The following UBE2W variants were observed in gnomAD, a reference collection of about 807,000 sequenced individuals.
The protein encoded by UBE2W is ubiquitin conjugating enzyme E2 W.
In UBE2W, 18 loss-of-function variants were observed where a neutral mutation model predicts 27.2. The ratio of observed to expected loss-of-function variants is 0.66; its 90% CI spans 0.46 to 0.98. The LOEUF (loss-of-function observed/expected upper bound fraction) is 0.98. UBE2W is among the 50% of genes least tolerant of loss of function. The pLI, the probability that UBE2W is intolerant of heterozygous loss-of-function variation, is 0.00. For missense variants in UBE2W, 90 were observed against 180.2 expected (o/e 0.50, Z 2.87); for synonymous variants, 53 against 57.2 (o/e 0.93, Z 0.33).
At chr8:73,813,631 G>GGGTGAATTTACATGCCAGA (rs141449124) in intron 3 of UBE2W, among the ~76,000 whole-genome samples, 1 of 151,910 alleles carries the variant, frequency 6.6e-6, no homozygotes, top group African/African-American at 2.4e-5. Flanking sequence ...AACATATAAA[G>GGGTGAATTTACATGCCAGA]GGTGAATTTA....
chr8:73,833,046 G>A (rs753480012), intron 1 of UBE2W, among the ~76,000 whole-genome samples: 63 of 151,972 alleles, frequency 4.1e-4, no homozygotes, highest in African/African-American at 1.4e-3. Flanking sequence ...TTAGCCAGGC[G>A]TGGTGGCGCG....
downstream of UBE2W, among the ~76,000 whole-genome samples, chr8:73,784,847 C>T (rs1253600573): frequency 5.3e-5 from 8 of 152,266 alleles, no homozygotes; most frequent in East Asian, 5.8e-4. Context: ...ATACCGCCCA[C>T]ACAGTAGCTC....
In UBE2W at chr8:73,871,694, CATA is replaced by C. The variant is rs1445189330; in HGVS notation, c.15+7111_15+7113del. ...GAACAAGTATTTTGCAGATACTACT[CATA>C]ATGAAGCAGACAGCAATAATATAAA... On this transcript the variant is annotated intron_variant, in intron 1 of 5. Coordinates refer to ENST00000602593, the MANE Select transcript of UBE2W (RefSeq NM_018299.6). 3.9e-5 allele frequency among the ~76,000 whole-genome samples: 6 copies of C among 152,206 alleles called. No individual in the cohort carries two copies. The East Asian group carries it at 9.7e-4, about 24-fold the overall frequency.
chr8:73,788,933 C>T lies in UBE2W; in HGVS notation c.*5169G>A, dbSNP rs1215626083. ...TATTCAGGCATTCCTTCCACATACT[C>T]AAAATACCCTCAGATATTTTATTAA... On this transcript the variant is annotated 3_prime_UTR_variant, in exon 6 of 6. Coordinates refer to ENST00000602593, the MANE Select transcript of UBE2W (RefSeq NM_018299.6). The T allele has an allele frequency of 1.0e-6, 1 of 983,968 alleles. No homozygotes were observed. The highest frequency in any genetic ancestry group is 1.1e-4 in the East Asian group (1 of 8,814). 61.0% of individuals were successfully genotyped at this position (983,968 alleles called of 1,614,324 possible).
At chr8:73,858,717 T>A (rs1478029211) in intron 1 of UBE2W, among the ~76,000 whole-genome samples, 2 of 151,032 alleles carry the variant, frequency 1.3e-5, no homozygotes, top group African/African-American at 2.4e-5. Flanking sequence ...AGCTAGTACC[T>A]TTTAACACTA....
chr8:73,842,385 C>T (rs1229532184), intron 1 of UBE2W, among the ~76,000 whole-genome samples: 4 of 151,400 alleles, frequency 2.6e-5, no homozygotes, highest in South Asian at 2.1e-4. Context: ...AAAAATGAGC[C>T]GGGCGTGGTG....
chr8:73,845,830 A>C (rs1810775631), intron 1 of UBE2W, among the ~76,000 whole-genome samples: 1 of 152,252 alleles, frequency 6.6e-6, no homozygotes. Flanking sequence ...ACTAGAAATC[A>C]GTAAAAATAT....
In UBE2W at chr8:73,854,836, G is replaced by T. The variant is rs1054314318; in HGVS notation, c.15+23972C>A. On this transcript the variant is annotated intron_variant, in intron 1 of 5. Transcript: ENST00000602593. The stretch of plus-strand genomic sequence containing the variant: ...ACCAGAAGCCTTCTGTTATTTGTCA[G>T]TTACATAAAGTCAATTAACATGTTT... 8.5e-5 allele frequency among the ~76,000 whole-genome samples: 13 copies of T among 152,228 alleles called. 1 individual carries two copies. Among genetic ancestry groups the T allele is most frequent in the African/African-American group, 3.1e-4 (13 of 41,546 alleles).
intron 3 of UBE2W, among the ~76,000 whole-genome samples, chr8:73,813,725 C>A (rs923169314): frequency 1.1e-4 from 16 of 150,508 alleles, no homozygotes; most frequent in African/African-American, 3.9e-4. Context: ...ACATAAGGGG[C>A]AAATAAGCAT....
chr8:73,849,052 A>AG (rs386360711), intron 1 of UBE2W, among the ~76,000 whole-genome samples: 1 of 151,868 alleles, frequency 6.6e-6, no homozygotes, highest in African/African-American at 2.4e-5. Context: ...AAACAAAAAA[A>AG]GAAAAAGCAA....
At chr8:73,832,126 A>AAAT (rs1810091271) in intron 1 of UBE2W, among the ~76,000 whole-genome samples, 1 of 134,830 alleles carries the variant, frequency 7.4e-6, no homozygotes, top group African/African-American at 3.6e-5. Context: ...ACAAACAAAA[A>AAAT]AAATAAATAA....
At chr8:73,804,154 T>C (rs1389449229) in intron 5 of UBE2W, among the ~76,000 whole-genome samples, 1 of 152,118 alleles carries the variant, frequency 6.6e-6, no homozygotes, top group African/African-American at 2.4e-5. Context: ...TGGGGAACTT[T>C]TAAGTTTTTA....
intron 5 of UBE2W, among the ~76,000 whole-genome samples, chr8:73,801,698 C>T (rs1372414268): frequency 1.3e-5 from 2 of 152,014 alleles, no homozygotes; most frequent in Non-Finnish European, 2.9e-5. Flanking sequence ...TTTTTTAAGG[C>T]TTTTTTGTAA....
Position 73,787,017 on chromosome 8 carries a change from A to C in UBE2W, c.*7085T>G. ...CCCACATTAAGTCCCTGAAGGCCAGATACAGACATGAGAAGATATTTCCTA... is the reference window on the plus strand; with the variant it reads ...CCCACATTAAGTCCCTGAAGGCCAGCTACAGACATGAGAAGATATTTCCTA... On this transcript the variant is annotated 3_prime_UTR_variant, in exon 6 of 6. Transcript: ENST00000602593. The C allele has an allele frequency of 1.0e-6, 1 of 985,472 alleles. No homozygotes were observed. Among genetic ancestry groups the C allele is most frequent in the Non-Finnish European group, 1.2e-6 (1 of 829,944 alleles). 61.0% of individuals were successfully genotyped at this position (985,472 alleles called of 1,614,324 possible). A position where few individuals can be genotyped will look rare whatever the true frequency, so the allele number is the denominator to read the frequency against.
chr8:73,856,460 G>T (rs1399119294), intron 1 of UBE2W, among the ~76,000 whole-genome samples: 1 of 143,596 alleles, frequency 7.0e-6, no homozygotes, highest in African/African-American at 2.6e-5. Context: ...CACCTCTCAG[G>T]TTCAAGCAAT....
chr8:73,803,312 C>T lies in UBE2W; in HGVS notation c.442+2339G>A, dbSNP rs201297083. Reference sequence around the variant, plus strand: ...CCTTCTCCAAAGGATTACAGATTTTCCAAGATGATTACTTACTAAATAATC... The same window carrying T: ...CCTTCTCCAAAGGATTACAGATTTTTCAAGATGATTACTTACTAAATAATC... On this transcript the variant is annotated intron_variant, in intron 5 of 5. Transcript: ENST00000602593. Among the ~76,000 whole-genome samples, 6 of 152,296 alleles carry T rather than the reference C, an allele frequency of 3.9e-5. No individual in the cohort carries two copies. The East Asian group carries it at 1.2e-3, about 29-fold the overall frequency.
In UBE2W at chr8:73,792,984, G is replaced by GT; in HGVS notation, c.*1117dup. The stretch of plus-strand genomic sequence containing the variant: ...AAAACATTAAGCCTCTGTCAAAAAT[G>GT]TATTTCTTATTTTAGGGTACAGGAT... On this transcript the variant is annotated 3_prime_UTR_variant, in exon 6 of 6. Coordinates refer to ENST00000602593, the MANE Select transcript of UBE2W (RefSeq NM_018299.6). 2 of 985,424 alleles carry GT rather than the reference G, an allele frequency of 2.0e-6. No individual in the cohort carries two copies. Among genetic ancestry groups the GT allele is most frequent in the Non-Finnish European group, 2.4e-6 (2 of 829,610 alleles). The allele number at this position is 985,424 out of a possible 1,614,324, so 61.0% of individuals were successfully genotyped here.
At position 73,818,517 on chromosome 8, in the gene UBE2W, C is replaced by A. The variant is rs118177599; in HGVS notation, c.210+6630G>T. Among the ~76,000 whole-genome samples the A allele has an allele frequency of 4.1e-4, 62 of 152,262 alleles. 1 individual carries two copies. The East Asian group carries it at 0.011, about 27-fold the overall frequency. ...CCCCATCTCACTAAGAGTAAAAAGT[C>A]AAAATTCTTACAAGGGGCTATAAAT... is the stretch of plus-strand genomic sequence containing the variant. On this transcript the variant is annotated intron_variant, in intron 3 of 5. Transcript: ENST00000602593.
At chr8:73,878,669 G>C in intron 1 of UBE2W, 139 bp downstream of exon 1, 1 of 738,248 alleles carries the variant, frequency 1.4e-6, no homozygotes, top group Non-Finnish European at 2.4e-6. Context: ...CCGACGCCCT[G>C]AGCTGAGGGA....
Sources: allele counts gnomAD v4.1 joint callset (sites outside exome capture counted in the v4.1 genomes callset), GRCh38; gene constraint gnomAD v4.1.1; transcripts MANE v1.5; gene names NCBI Gene and HGNC (gene_info 2026-07-23, HGNC 2026-07-21).